The following DDX42 variants were observed in gnomAD, a reference collection of about 807,000 sequenced individuals.
The protein encoded by DDX42 is DEAD-box helicase 42, also known as ATP-dependent RNA helicase DDX42.
Under a neutral mutation model 101.5 loss-of-function variants are expected in DDX42, and 22 were observed. The ratio of observed to expected loss-of-function variants is 0.22; its 90% CI spans 0.15 to 0.31. The LOEUF (loss-of-function observed/expected upper bound fraction) is 0.31, where lower values mean the gene tolerates loss of function less well. Ranked by LOEUF, DDX42 falls within the 10% of genes least tolerant of loss-of-function variation. The pLI is 1.00. For missense variants in DDX42, 849 were observed against 1,199.9 expected, an observed-to-expected ratio of 0.71 and a Z score of 4.32; for synonymous variants, 402 against 401.2, an observed-to-expected ratio of 1.00 and a Z score of -0.02.
chr17:63,785,409 C>T (rs2039534984), intron 1 of DDX42, among the ~76,000 whole-genome samples: 1 of 151,580 alleles, frequency 6.6e-6, no homozygotes, highest in Non-Finnish European at 1.5e-5. Context: ...GAGATTGGGC[C>T]ACTGCACTCC....
At chr17:63,800,357 G>T in intron 5 of DDX42, 111 bp from the exon 6 acceptor site, 2 of 922,820 alleles carry the variant, frequency 2.2e-6, no homozygotes, top group Non-Finnish European at 3.2e-6. Context: ...TGCCTTACTT[G>T]GTAGGTATGT....
At chr17:63,781,211 T>C (rs1223103105) in intron 1 of DDX42, among the ~76,000 whole-genome samples, 1 of 152,020 alleles carries the variant, frequency 6.6e-6, no homozygotes, top group African/African-American at 2.4e-5. Context: ...CAGAAGAATT[T>C]TAGTTCTTTT....
chr17:63,805,518 A>G (rs1598338000), intron 7 of DDX42: 1 of 172,500 alleles, frequency 5.8e-6, no homozygotes, highest in East Asian at 1.7e-4. Flanking sequence ...ATATTTTGAA[A>G]TGAAGATAAA....
chr17:63,801,247 G>A (rs1262903147), intron 6 of DDX42, among the ~76,000 whole-genome samples: 2 of 152,168 alleles, frequency 1.3e-5, no homozygotes, highest in African/African-American at 4.8e-5. Context: ...TAGAGATGGG[G>A]TTTTGCCATG....
chr17:63,813,436 C>T lies in DDX42; in HGVS notation c.1884C>T (p.Leu628=). 1 of 1,613,934 alleles carries T rather than the reference C, an allele frequency of 6.2e-7. No individual in the cohort carries two copies. Among genetic ancestry groups the T allele is most frequent in the Non-Finnish European group, 8.5e-7 (1 of 1,179,934 alleles). ...CCAATCAACACGTTTCTAAGGAACT[C>T]CTAGATCTGGCAATGCAGGTGAGGG... ...EGANQHVSKE[L]LDLAMQNAWF... Residue 628 remains leucine, a synonymous_variant, in exon 15 of 18, where the codon CTC becomes CTT. Coordinates refer to ENST00000389924, the MANE Select transcript of DDX42 (RefSeq NM_203499.3).
Position 63,815,691 on chromosome 17 carries a change from C to A in DDX42, c.2013+18C>A. On this transcript the variant is annotated intron_variant, in intron 16 of 17. Coordinates refer to ENST00000389924, the MANE Select transcript of DDX42 (RefSeq NM_203499.3). ...AGAACATGGTGAGTCTAGACTACTA[C>A]AGTAGTGCCTTTATAGTTGGTCTCA... The A allele has an allele frequency of 6.6e-7, 1 of 1,516,110 alleles. No individual in the cohort carries two copies. Among genetic ancestry groups the A allele is most frequent in the Non-Finnish European group, 9.1e-7 (1 of 1,097,624 alleles). The allele number at this position is 1,516,110 out of a possible 1,614,324, so 93.9% of individuals were successfully genotyped here.
At chr17:63,802,186 A>C (rs1157227874) in intron 6 of DDX42, among the ~76,000 whole-genome samples, 1 of 152,248 alleles carries the variant, frequency 6.6e-6, no homozygotes, top group Non-Finnish European at 1.5e-5. Flanking sequence ...TGCAGTTAAA[A>C]AGAAAAAAAA....
At chr17:63,792,896 G>C (rs534280251) in intron 3 of DDX42, among the ~76,000 whole-genome samples, 1 of 152,126 alleles carries the variant, frequency 6.6e-6, no homozygotes, top group Non-Finnish European at 1.5e-5. Flanking sequence ...TTTATGTAAG[G>C]TAATTAAACT....
chr17:63,792,667 T>A (rs1036356563), intron 3 of DDX42, 105 bp downstream of exon 3: 92 of 1,315,944 alleles, frequency 7.0e-5, no homozygotes, highest in African/African-American at 1.2e-4. Context: ...TCTTATTATT[T>A]TTTTTTTTTT....
chr17:63,808,184 T>C (rs1206819173), intron 9 of DDX42, among the ~76,000 whole-genome samples: 1 of 152,200 alleles, frequency 6.6e-6, no homozygotes, highest in Admixed American at 6.5e-5. Context: ...TTTTTATTTA[T>C]TTGCTTTTTT....
intron 17 of DDX42, 145 bp downstream of exon 17, chr17:63,817,111 A>G: frequency 8.0e-6 from 5 of 621,616 alleles, no homozygotes; most frequent in Non-Finnish European, 1.4e-5. Flanking sequence ...TTGAATATAA[A>G]CCTAACAGTA....
intron 17 of DDX42, chr17:63,817,443 G>T: frequency 2.2e-6 from 1 of 449,036 alleles, no homozygotes; most frequent in Non-Finnish European, 4.0e-6. Flanking sequence ...ATACATAGAT[G>T]CTTTATTCTA....
intron 3 of DDX42, among the ~76,000 whole-genome samples, chr17:63,793,602 A>G (rs2039654593): frequency 6.6e-6 from 1 of 152,144 alleles, no homozygotes; most frequent in Non-Finnish European, 1.5e-5. Context: ...AATCTCAGAC[A>G]TATAATTTTA....
chr17:63,788,453 C>T (rs1030492212), intron 2 of DDX42, among the ~76,000 whole-genome samples: 15 of 151,430 alleles, frequency 9.9e-5, no homozygotes, highest in Non-Finnish European at 2.2e-4. Context: ...ACTACAGGCA[C>T]GTGCCACCAT....
intron 6 of DDX42, among the ~76,000 whole-genome samples, chr17:63,801,202 A>C (rs1004614458): frequency 1.1e-4 from 16 of 151,794 alleles, no homozygotes; most frequent in Non-Finnish European, 1.9e-4. Flanking sequence ...GGTGCCCACT[A>C]CCATGCCTGG....
At chr17:63,808,525 T>C (rs2039870109) in intron 9 of DDX42, among the ~76,000 whole-genome samples, 1 of 152,144 alleles carries the variant, frequency 6.6e-6, no homozygotes, top group African/African-American at 2.4e-5. Context: ...GGATTGTTTG[T>C]ATTATAAGCT....
chr17:63,817,535 C>A, intron 17 of DDX42, 159 bp from the exon 18 acceptor site: 1 of 675,410 alleles, frequency 1.5e-6, no homozygotes, highest in Non-Finnish European at 2.4e-6. Context: ...CTTTATAGCA[C>A]AAGAACAAAA....
intron 8 of DDX42, 23 bp from the exon 9 acceptor site, chr17:63,807,701 G>C: frequency 6.2e-7 from 1 of 1,600,702 alleles, no homozygotes; most frequent in African/African-American, 1.3e-5. Flanking sequence ...TTTTAGAGTG[G>C]TTATATTTTA....
chr17:63,810,530 A>G lies in DDX42; in HGVS notation c.1270A>G (p.Ile424Val). ...TCTTGCAGAGTACCAAGTTCGATCC[A>G]TAGCAAGTCATGTTCGTCCTGACAG... ...DMGFEYQVRSIASHVRPDRQT... is the reference protein window; with the variant it reads ...DMGFEYQVRSVASHVRPDRQT... Residue 424 changes from isoleucine to valine, a missense_variant, in exon 12 of 18, where the codon ATA (isoleucine) becomes GTA (valine). Ile to Val is a conservative substitution (Grantham distance 29). Coordinates refer to ENST00000389924, the MANE Select transcript of DDX42 (RefSeq NM_203499.3). 1.2e-6 allele frequency: 2 copies of G among 1,614,110 alleles called. No homozygotes were observed. Among genetic ancestry groups the G allele is most frequent in the East Asian group, 2.2e-5 (1 of 44,872 alleles).
Sources: allele counts gnomAD v4.1 joint callset (sites outside exome capture counted in the v4.1 genomes callset), GRCh38; gene constraint gnomAD v4.1.1; transcripts MANE v1.5; gene names NCBI Gene and HGNC (gene_info 2026-07-23, HGNC 2026-07-21).